The following MTHFD2L variants were observed in gnomAD, a reference collection of about 807,000 sequenced individuals.
MTHFD2L encodes methylenetetrahydrofolate dehydrogenase (NADP+ dependent) 2 like.
Under a neutral mutation model 34.9 loss-of-function variants are expected in MTHFD2L, and 29 were observed. The observed-to-expected ratio is 0.83, with a 90% confidence interval of 0.62 to 1.13. The LOEUF (loss-of-function observed/expected upper bound fraction) is 1.13. Among genes scored for constraint, MTHFD2L ranks in the 50% most tolerant of loss-of-function variants. The pLI, the probability that MTHFD2L is intolerant of heterozygous loss-of-function variation, is 0.00. For missense variants in MTHFD2L, 481 were observed against 446.5 expected, an observed-to-expected ratio of 1.08 and a Z score of -0.70; for synonymous variants, 167 against 155.7, an observed-to-expected ratio of 1.07 and a Z score of -0.54.
At chr4:74,275,955 C>T (rs1413058488) in intron 6 of MTHFD2L, among the ~76,000 whole-genome samples, 1 of 152,068 alleles carries the variant, frequency 6.6e-6, no homozygotes, top group Non-Finnish European at 1.5e-5. Flanking sequence ...AGTTTATTTA[C>T]ATCCCATTTG....
At chr4:74,211,291 G>T (rs183622054) in intron 5 of MTHFD2L, among the ~76,000 whole-genome samples, 128 of 152,254 alleles carry the variant, frequency 8.4e-4, no homozygotes, top group African/African-American at 2.6e-3. Context: ...TCCAGCTTTT[G>T]CCCAATCACT....
At chr4:74,246,433 G>A (rs1005946383) in intron 6 of MTHFD2L, among the ~76,000 whole-genome samples, 4 of 151,840 alleles carry the variant, frequency 2.6e-5, no homozygotes, top group Non-Finnish European at 5.9e-5. Flanking sequence ...TAGGTTGCCT[G>A]TTCACTCTGA....
chr4:74,115,360 C>T (rs1291129234), intron 2 of MTHFD2L, among the ~76,000 whole-genome samples: 1 of 152,198 alleles, frequency 6.6e-6, no homozygotes, highest in Non-Finnish European at 1.5e-5. Flanking sequence ...TAGATCCAGA[C>T]ACCAATGCTA....
chr4:74,189,601 G>GTC (rs1038166983), intron 3 of MTHFD2L, among the ~76,000 whole-genome samples: 12 of 144,468 alleles, frequency 8.3e-5, no homozygotes, highest in African/African-American at 3.1e-4. Flanking sequence ...AGCCACTTAT[G>GTC]TCTCTCTCTC....
intron 6 of MTHFD2L, among the ~76,000 whole-genome samples, chr4:74,251,409 A>G (rs1352064397): frequency 6.6e-6 from 1 of 152,168 alleles, no homozygotes; most frequent in African/African-American, 2.4e-5. Context: ...GGTGGTTGTG[A>G]TTGTACTCCA....
intron 3 of MTHFD2L, among the ~76,000 whole-genome samples, chr4:74,190,939 T>G (rs1465409884): frequency 6.6e-6 from 1 of 152,190 alleles, no homozygotes; most frequent in East Asian, 1.9e-4. Context: ...CTCGCTGTAT[T>G]GCCCAGGCTG....
At chr4:74,157,994 C>G (rs551077583), upstream of MTHFD2L, 17 of 1,264,570 alleles carry the variant, frequency 1.3e-5, no homozygotes, top group East Asian at 3.1e-4. Flanking sequence ...GCTCTTTACC[C>G]CACTCTGCGT....
At chr4:74,293,251 G>A (rs761449801) in intron 7 of MTHFD2L, among the ~76,000 whole-genome samples, 34 of 151,868 alleles carry the variant, frequency 2.2e-4, no homozygotes, top group Non-Finnish European at 3.7e-4. Context: ...GTGTCCATGT[G>A]TTCTCATTGT....
chr4:74,231,207 A>T (rs1377023173), intron 6 of MTHFD2L, among the ~76,000 whole-genome samples: 2 of 152,154 alleles, frequency 1.3e-5, no homozygotes, highest in East Asian at 3.8e-4. Context: ...TGACCAACGA[A>T]TTTCCTTTCA....
chr4:74,275,679 G>A (rs1034780112), intron 6 of MTHFD2L, among the ~76,000 whole-genome samples: 69 of 151,072 alleles, frequency 4.6e-4, no homozygotes, highest in African/African-American at 1.5e-3. Flanking sequence ...TTTGATTTGC[G>A]TTTCTCTAAT....
chr4:74,123,534 C>T (rs1283777420), upstream of MTHFD2L: 2 of 151,998 alleles, frequency 1.3e-5, no homozygotes, highest in Non-Finnish European at 2.9e-5. Context: ...AAAAAAAATC[C>T]CCATTTGCAT....
chr4:74,167,075 C>A (rs180890211), intron 1 of MTHFD2L, among the ~76,000 whole-genome samples: 2 of 152,302 alleles, frequency 1.3e-5, no homozygotes, highest in South Asian at 4.1e-4. Flanking sequence ...TCTGTATTTG[C>A]AGACCAAGGC....
At chr4:74,279,704 GT>G (rs1298131250) in intron 6 of MTHFD2L, among the ~76,000 whole-genome samples, 2 of 152,038 alleles carry the variant, frequency 1.3e-5, no homozygotes, top group Non-Finnish European at 2.9e-5. Flanking sequence ...TATACTCAAT[GT>G]ATGTCTTCTT....
At chr4:74,142,737 G>T (rs773898018) in intron 1 of MTHFD2L, among the ~76,000 whole-genome samples, 6 of 152,086 alleles carry the variant, frequency 3.9e-5, no homozygotes, top group Non-Finnish European at 7.4e-5. Context: ...ACCCCTACGT[G>T]CACTCCAGTT....
chr4:74,276,549 T>C (rs2110261563), intron 6 of MTHFD2L, among the ~76,000 whole-genome samples: 1 of 152,290 alleles, frequency 6.6e-6, no homozygotes, highest in East Asian at 1.9e-4. Flanking sequence ...ATATCCGGAC[T>C]GTGCATCCTA....
chr4:74,243,672 T>A (rs1043767105), intron 6 of MTHFD2L, among the ~76,000 whole-genome samples: 4 of 152,212 alleles, frequency 2.6e-5, no homozygotes, highest in Admixed American at 2.0e-4. Context: ...AATATGAATA[T>A]GTTGTTTTAT....
intron 6 of MTHFD2L, among the ~76,000 whole-genome samples, chr4:74,229,119 C>A (rs77733756): frequency 1.1e-3 from 174 of 152,120 alleles, no homozygotes; most frequent in African/African-American, 4.1e-3. Context: ...AATATTTAGC[C>A]AATGGGAAAT....
chr4:74,299,533 G>A (rs750641296), intron 7 of MTHFD2L, among the ~76,000 whole-genome samples: 5 of 151,920 alleles, frequency 3.3e-5, no homozygotes, highest in Non-Finnish European at 5.9e-5. Context: ...CATTAAGTCA[G>A]CTTATTGAAA....
intron 6 of MTHFD2L, among the ~76,000 whole-genome samples, chr4:74,232,373 C>T (rs1740200821): frequency 3.3e-5 from 5 of 152,044 alleles, no homozygotes; most frequent in African/African-American, 1.2e-4. Flanking sequence ...TAGGGAAGGC[C>T]GAGGCACTTA....
Sources: gnomAD v4.1 joint callset for allele counts (sites outside exome capture counted in the v4.1 genomes callset) on GRCh38, gnomAD v4.1.1 for gene constraint, MANE v1.5 for transcripts, NCBI Gene and HGNC (gene_info 2026-07-23, HGNC 2026-07-21) for gene names.